Variants in MSL2 observed in about 807,000 individuals in gnomAD.
The protein encoded by MSL2 is E3 ubiquitin-protein ligase MSL2.
A neutral mutation model predicts 35.8 loss-of-function variants in MSL2; 2 were observed. The ratio of observed to expected loss-of-function variants is 0.06; its 90% CI spans 0.02 to 0.18. MSL2 has a LOEUF of 0.18. Among genes scored for constraint, MSL2 ranks in the 10% least tolerant of loss-of-function variants. The pLI is 1.00. For missense variants in MSL2, 523 were observed against 706.7 expected (o/e 0.74, Z 2.95); for synonymous variants, 296 against 255.7 (o/e 1.16, Z -1.50).
chr3:136,154,332 T>A (rs1212721056), intron 1 of MSL2, among the ~76,000 whole-genome samples: 1 of 152,098 alleles, frequency 6.6e-6, no homozygotes, highest in Non-Finnish European at 1.5e-5. Flanking sequence ...GACAATACAG[T>A]ATAATGAAGT....
intron 1 of MSL2, among the ~76,000 whole-genome samples, chr3:136,191,555 G>A (rs1257026715): frequency 6.6e-6 from 1 of 151,962 alleles, no homozygotes; most frequent in Non-Finnish European, 1.5e-5. Flanking sequence ...CAAGGCACAA[G>A]GATAGTTTGA....
In MSL2 at chr3:136,151,970, A is replaced by C; in HGVS notation, c.911T>G (p.Leu304Arg). ...GCTAAGAGACTGGGAAGAAAGCTGC[A>C]GAAAAGGTCCATTGGATACAGTGGC... ...LEATVSNGPF[L>R]QLSSQSLSHN... The change falls in exon 2 of 2, where the codon CTG (leucine) becomes CGG (arginine). Residue 304 changes from leucine to arginine, a missense_variant. By Grantham distance (102) the Leu-to-Arg change is moderately radical (BLOSUM62 -2). Around this residue, in one of 5 missense-constraint regions of MSL2, gnomAD observed 361 missense variants for 414.6 expected, o/e 0.87. Coordinates refer to ENST00000309993, the MANE Select transcript of MSL2 (RefSeq NM_018133.4). The surrounding 1 kb of genome is among the most constrained non-coding windows in gnomAD (Gnocchi z 5.2). 3 of 1,614,252 alleles carry C rather than the reference A, an allele frequency of 1.9e-6. No individual in the cohort carries two copies. The highest frequency in any genetic ancestry group is 1.7e-6 in the Non-Finnish European group (2 of 1,180,038).
chr3:136,180,767 AGGGAGGGAGGGAGGGAGGGAG>A (rs1940321414), intron 1 of MSL2, among the ~76,000 whole-genome samples: 1 of 33,654 alleles, frequency 3.0e-5, no homozygotes, highest in Admixed American at 3.2e-4. Context: ...GGAAGGAGGG[AGGGAGGGAGGGAGGGAGGGAG>A]GGAGGGAGGG....
intron 1 of MSL2, among the ~76,000 whole-genome samples, chr3:136,170,366 C>T (rs962251761): frequency 5.3e-5 from 6 of 113,588 alleles, no homozygotes; most frequent in African/African-American, 2.3e-4. Flanking sequence ...AAAAAAAAAA[C>T]CATTGTTAAC....
chr3:136,149,922 TAGTC>T lies in MSL2; in HGVS notation c.*1221_*1224del, dbSNP rs1214468426. 1.3e-5 allele frequency: 2 copies of T among 152,672 alleles called. No individual in the cohort carries two copies. Among genetic ancestry groups the T allele is most frequent in the Non-Finnish European group, 2.9e-5 (2 of 68,036 alleles). 9.5% of individuals were successfully genotyped at this position (152,672 alleles called of 1,614,324 possible). ...AAATCACAGGTTATTTCATTACACCTAGTCAGTCCTTGTTTTATTTGGGCTGTGC... is the reference window on the plus strand; with the variant it reads ...AAATCACAGGTTATTTCATTACACCTAGTCCTTGTTTTATTTGGGCTGTGC... On this transcript the variant is annotated 3_prime_UTR_variant, in exon 2 of 2. Coordinates refer to ENST00000309993, the MANE Select transcript of MSL2 (RefSeq NM_018133.4).
chr3:136,180,796 G>GGGAGGGAGGGAA (rs1940327640), intron 1 of MSL2, among the ~76,000 whole-genome samples: 1 of 42,812 alleles, frequency 2.3e-5, no homozygotes, highest in African/African-American at 9.2e-5. Flanking sequence ...GAGGGAGGGA[G>GGGAGGGAGGGAA]GGAGGGAGGG....
intron 1 of MSL2, among the ~76,000 whole-genome samples, chr3:136,169,535 G>A (rs894738364): frequency 1.3e-5 from 2 of 151,982 alleles, no homozygotes; most frequent in Non-Finnish European, 2.9e-5. Flanking sequence ...TGCAACCTCT[G>A]CCTCCCTGGT....
chr3:136,196,035 C>T lies in MSL2; in HGVS notation c.-922G>A, dbSNP rs536149572. 5.8e-4 allele frequency: 95 copies of T among 163,558 alleles called. No homozygotes were observed. Among genetic ancestry groups the T allele is most frequent in the African/African-American group, 2.0e-3 (84 of 41,680 alleles). The allele number at this position is 163,558 out of a possible 1,614,324, so 10.1% of individuals were successfully genotyped here. A position where few individuals can be genotyped will look rare whatever the true frequency, so the allele number is the denominator to read the frequency against. ...GCCGAGCACGACGGCCGCCGCCGCC[C>T]TCAGCACTCCCCGGCCGCGGAAGGC... On this transcript the variant is annotated 5_prime_UTR_variant, in exon 1 of 2. Transcript: ENST00000309993.
chr3:136,184,749 AAGG>A lies in MSL2; in HGVS notation c.142+10220_142+10222del, dbSNP rs756617119. Among the ~76,000 whole-genome samples, 533 of 75,238 alleles carry A rather than the reference AAGG, an allele frequency of 7.1e-3. 8 individuals carry two copies. Among genetic ancestry groups the A allele is most frequent in the Non-Finnish European group, 9.3e-3 (348 of 37,414 alleles). The allele number at this position is 75,238 out of a possible 152,430, so 49.4% of individuals were successfully genotyped here. On this transcript the variant is annotated intron_variant, in intron 1 of 1. Transcript: ENST00000309993. ...GTTAGATAAAGGTTAAAAAAAAAAA[AAGG>A]GGGGGGGGGGGACAAAGGTCACGTG...
At chr3:136,191,462 C>A (rs1940687897) in intron 1 of MSL2, among the ~76,000 whole-genome samples, 1 of 102,574 alleles carries the variant, frequency 9.7e-6, no homozygotes, top group African/African-American at 3.9e-5. Flanking sequence ...AACAAGAATC[C>A]GTCTCAAAAA....
intron 1 of MSL2, among the ~76,000 whole-genome samples, chr3:136,163,189 G>A (rs1359928920): frequency 2.0e-5 from 3 of 152,168 alleles, no homozygotes; most frequent in Non-Finnish European, 4.4e-5. Flanking sequence ...AACCCAGGAG[G>A]TGGAGGATGC....
intron 1 of MSL2, among the ~76,000 whole-genome samples, chr3:136,155,066 G>T (rs1307014300): frequency 3.9e-5 from 6 of 152,128 alleles, no homozygotes; most frequent in Non-Finnish European, 7.4e-5. Context: ...AAATTAGCTG[G>T]GAGTGGTGGC....
chr3:136,165,422 C>A (rs918216757), intron 1 of MSL2, among the ~76,000 whole-genome samples: 3 of 152,100 alleles, frequency 2.0e-5, no homozygotes, highest in African/African-American at 7.2e-5. Flanking sequence ...TTTACTCTCC[C>A]TCTTCTTAAC....
intron 1 of MSL2, among the ~76,000 whole-genome samples, chr3:136,156,946 A>C (rs1467941822): frequency 6.6e-6 from 1 of 152,240 alleles, no homozygotes; most frequent in African/African-American, 2.4e-5. Context: ...TGTTCACAAT[A>C]TATTTAGTTG....
At chr3:136,187,269 G>A (rs1008875486) in intron 1 of MSL2, among the ~76,000 whole-genome samples, 4 of 152,102 alleles carry the variant, frequency 2.6e-5, no homozygotes, top group African/African-American at 9.7e-5. Flanking sequence ...CCGTAAGAAT[G>A]ATCAAATGTT....
At chr3:136,194,285 T>A in intron 1 of MSL2, 1 of 332,750 alleles carries the variant, frequency 3.0e-6, no homozygotes. Flanking sequence ...AATTAAAGTA[T>A]CCTACCCACC....
chr3:136,150,964 G>A lies in MSL2; in HGVS notation c.*183C>T. On this transcript the variant is annotated 3_prime_UTR_variant, in exon 2 of 2. Coordinates refer to ENST00000309993, the MANE Select transcript of MSL2 (RefSeq NM_018133.4). Reference sequence around the variant, plus strand: ...TAAGAACTAAGGACATATAGTTGTAGGGTTACTCCTCCATTATCTGCAAAC... The same window carrying A: ...TAAGAACTAAGGACATATAGTTGTAAGGTTACTCCTCCATTATCTGCAAAC... 1.6e-6 allele frequency: 1 copy of A among 628,502 alleles called. No homozygotes were observed. The allele number at this position is 628,502 out of a possible 1,614,324, so 38.9% of individuals were successfully genotyped here.
At chr3:136,161,845 T>C (rs1939714573) in intron 1 of MSL2, among the ~76,000 whole-genome samples, 1 of 152,068 alleles carries the variant, frequency 6.6e-6, no homozygotes, top group Non-Finnish European at 1.5e-5. Flanking sequence ...TCCAACCTTC[T>C]ACCTAATGCC....
intron 1 of MSL2, among the ~76,000 whole-genome samples, chr3:136,159,396 C>T (rs1279643579): frequency 8.0e-6 from 1 of 124,690 alleles, no homozygotes; most frequent in African/African-American, 3.2e-5. Flanking sequence ...CGGATTCTCG[C>T]TCTGTCGCCC....
Sources: allele counts gnomAD v4.1 joint callset (sites outside exome capture counted in the v4.1 genomes callset), GRCh38; gene constraint gnomAD v4.1.1; regional missense constraint gnomAD v4.1.1; non-coding constraint Gnocchi (gnomAD v3.1); transcripts MANE v1.5; gene names NCBI Gene and HGNC (gene_info 2026-07-23, HGNC 2026-07-21).